The following TVP23C variants were observed in gnomAD, a reference collection of about 807,000 sequenced individuals.
TVP23C encodes the protein Golgi apparatus membrane protein TVP23 homolog C.
A neutral mutation model predicts 28.7 loss-of-function variants in TVP23C; 19 were observed. The ratio of observed to expected loss-of-function variants is 0.66; its 90% CI spans 0.46 to 0.97. The LOEUF (loss-of-function observed/expected upper bound fraction) is 0.97. Ranked by LOEUF, TVP23C falls within the 50% of genes least tolerant of loss-of-function variation. The pLI, the probability that TVP23C is intolerant of heterozygous loss-of-function variation, is 0.00. For missense variants in TVP23C, 186 were observed against 241.3 expected, an observed-to-expected ratio of 0.77 and a Z score of 1.52; for synonymous variants, 68 against 81.7, an observed-to-expected ratio of 0.83 and a Z score of 0.90.
At position 15,537,918 on chromosome 17, in the gene TVP23C, T is replaced by C. The variant is rs114692276; in HGVS notation, c.*2494A>G. On this transcript the variant is annotated 3_prime_UTR_variant, in exon 6 of 6. Transcript: ENST00000518321. ...ACAGAACAAATCTTAACAATGTTTC[T>C]AGTGCCAACATATACTTTCTAGCCC... 1.2e-3 allele frequency: 1,776 copies of C among 1,437,180 alleles called. 16 individuals carry two copies. The African/African-American group carries it at 0.023, about 18-fold the overall frequency. The allele number at this position is 1,437,180 out of a possible 1,614,324, so 89.0% of individuals were successfully genotyped here.
Position 15,556,044 on chromosome 17 carries a change from G to T in TVP23C, c.13-680C>A, listed in dbSNP as rs575108342. On this transcript the variant is annotated intron_variant, in intron 1 of 5. Coordinates refer to ENST00000518321, the MANE Select transcript of TVP23C (RefSeq NM_001135036.2). ...CGATTCTCCTGCTTCAGCCTTCCAA[G>T]TTGCTGGGATTACAGGCGTGTGCCA... Among the ~76,000 whole-genome samples, 15 of 152,136 alleles carry T rather than the reference G, an allele frequency of 9.9e-5. No individual in the cohort carries two copies. In the East Asian group the frequency reaches 2.5e-3, roughly 26 times the overall value.
chr17:15,555,146 C>G lies in TVP23C; in HGVS notation c.95+136G>C. 4.1e-6 allele frequency: 5 copies of G among 1,230,156 alleles called. No homozygotes were observed. The South Asian group carries it at 7.9e-5, about 19-fold the overall frequency. The allele number at this position is 1,230,156 out of a possible 1,614,324, so 76.2% of individuals were successfully genotyped here. A position where few individuals can be genotyped will look rare whatever the true frequency, so the allele number is the denominator to read the frequency against. On this transcript the variant is annotated intron_variant, in intron 2 of 5. Transcript: ENST00000518321. ...TCTGAAATGTCATCTTTGTCTTACACTAAATGTTAAATTAGCAACATGCAG... is the reference window on the plus strand; with the variant it reads ...TCTGAAATGTCATCTTTGTCTTACAGTAAATGTTAAATTAGCAACATGCAG...
chr17:15,549,241 A>G (rs1455726875), intron 3 of TVP23C, among the ~76,000 whole-genome samples: 1 of 152,170 alleles, frequency 6.6e-6, no homozygotes, highest in Non-Finnish European at 1.5e-5. Flanking sequence ...CTGATGCCCT[A>G]ATGAAGAAAG....
intron 5 of TVP23C, among the ~76,000 whole-genome samples, chr17:15,526,733 A>G (rs770541609): frequency 1.3e-5 from 2 of 152,214 alleles, no homozygotes; most frequent in Non-Finnish European, 2.9e-5. Flanking sequence ...ACCAAGTGCA[A>G]GCTACAAGCA....
At chr17:15,514,002 T>C (rs1982115781) in intron 5 of TVP23C, among the ~76,000 whole-genome samples, 1 of 152,208 alleles carries the variant, frequency 6.6e-6, no homozygotes, top group African/African-American at 2.4e-5. Context: ...GGCCTGTCAC[T>C]AACCAGAAAA....
At chr17:15,525,159 A>G (rs1376738470) in intron 5 of TVP23C, among the ~76,000 whole-genome samples, 1 of 152,216 alleles carries the variant, frequency 6.6e-6, no homozygotes, top group Non-Finnish European at 1.5e-5. Flanking sequence ...GCATGTATAC[A>G]ATGGCTTTCA....
At chr17:15,534,497 G>A (rs572053641), downstream of TVP23C, among the ~76,000 whole-genome samples, 99 of 148,366 alleles carry the variant, frequency 6.7e-4, no homozygotes, top group African/African-American at 2.3e-3. Context: ...ATACATAAAG[G>A]AACTTTAATA....
chr17:15,525,672 G>A (rs1301250755), intron 5 of TVP23C, among the ~76,000 whole-genome samples: 1 of 152,194 alleles, frequency 6.6e-6, no homozygotes, highest in Non-Finnish European at 1.5e-5. Context: ...CTCCGTGTGT[G>A]TGTGTGTGCA....
intron 5 of TVP23C, among the ~76,000 whole-genome samples, chr17:15,524,032 C>T (rs142342058): frequency 6.6e-6 from 1 of 150,804 alleles, no homozygotes; most frequent in Non-Finnish European, 1.5e-5. Flanking sequence ...TGAAGAACAA[C>T]AAAGTGTTTG....
intron 3 of TVP23C, among the ~76,000 whole-genome samples, chr17:15,548,588 A>G (rs1314510110): frequency 6.6e-6 from 1 of 152,246 alleles, no homozygotes; most frequent in African/African-American, 2.4e-5. Context: ...TAGAAACCAC[A>G]GACATTTTTC....
At chr17:15,502,947 A>G in exon 6 of TVP23C, 1 of 1,614,022 alleles carries the variant, frequency 6.2e-7, no homozygotes. Flanking sequence ...CCTCCCCTCC[A>G]GGCCCAAAGC....
downstream of TVP23C, among the ~76,000 whole-genome samples, chr17:15,534,846 T>C (rs1597525842): frequency 6.6e-6 from 1 of 151,746 alleles, no homozygotes; most frequent in East Asian, 1.9e-4. Flanking sequence ...TGGGCACCTG[T>C]AGTCTCAGCT....
intron 5 of TVP23C, chr17:15,507,423 C>T (rs1184187636): frequency 9.1e-6 from 5 of 550,984 alleles, no homozygotes; most frequent in Admixed American, 8.1e-5. Context: ...ACCCTCCACC[C>T]CATTTGCTCA....
intron 5 of TVP23C, among the ~76,000 whole-genome samples, chr17:15,520,059 C>T (rs1016160114): frequency 2.2e-4 from 34 of 151,252 alleles, no homozygotes; most frequent in Non-Finnish European, 4.4e-4. Flanking sequence ...TCAGCAACAA[C>T]CCAGCATGCT....
chr17:15,551,874 T>C (rs1463628079), intron 3 of TVP23C, among the ~76,000 whole-genome samples: 2 of 152,168 alleles, frequency 1.3e-5, no homozygotes, highest in Non-Finnish European at 2.9e-5. Context: ...TTTTAACTGT[T>C]TCAGAACCCT....
chr17:15,524,651 G>C (rs1339128852), intron 5 of TVP23C, among the ~76,000 whole-genome samples: 2 of 152,168 alleles, frequency 1.3e-5, no homozygotes, highest in African/African-American at 2.4e-5. Flanking sequence ...CACCATCTGG[G>C]TGGTGTCCTC....
chr17:15,518,565 A>C (rs1435058510), intron 5 of TVP23C, among the ~76,000 whole-genome samples: 1 of 152,220 alleles, frequency 6.6e-6, no homozygotes, highest in Non-Finnish European at 1.5e-5. Context: ...TGTGCCTTAG[A>C]GAATCCTAAG....
At chr17:15,518,336 G>A (rs1268540882) in intron 5 of TVP23C, among the ~76,000 whole-genome samples, 1 of 152,160 alleles carries the variant, frequency 6.6e-6, no homozygotes. Flanking sequence ...GCAATGCTAC[G>A]TACTGTATCA....
intron 1 of TVP23C, among the ~76,000 whole-genome samples, chr17:15,557,327 G>C (rs1984179156): frequency 7.9e-6 from 1 of 127,270 alleles, no homozygotes; most frequent in African/African-American, 2.9e-5. Flanking sequence ...GTCTTGCTCT[G>C]TCGCCCAGGC....
Sources: gnomAD v4.1 joint callset for allele counts (sites outside exome capture counted in the v4.1 genomes callset) on GRCh38, gnomAD v4.1.1 for gene constraint, MANE v1.5 for transcripts, NCBI Gene and HGNC (gene_info 2026-07-23, HGNC 2026-07-21) for gene names.